Variants in GRM8 observed in about 807,000 individuals in gnomAD.
The protein encoded by GRM8 is glutamate metabotropic receptor 8, also known as metabotropic glutamate receptor 8.
In GRM8, 47 loss-of-function variants were observed where a neutral mutation model predicts 87.2. The ratio of observed to expected loss-of-function variants is 0.54; its 90% CI spans 0.43 to 0.69. GRM8 has a LOEUF of 0.69. Among genes scored for constraint, GRM8 ranks in the 30% least tolerant of loss-of-function variants. The pLI is 0.00. For synonymous variants in GRM8, 396 were observed against 404.5 expected (o/e 0.98, Z 0.25); for missense variants, 1,019 against 1,139.2 (o/e 0.89, Z 1.52).
intron 2 of GRM8, among the ~76,000 whole-genome samples, chr7:127,107,059 G>C (rs1274653626): frequency 1.3e-5 from 2 of 152,184 alleles, no homozygotes; most frequent in Non-Finnish European, 2.9e-5. Flanking sequence ...GCAGAAAGGA[G>C]AGAAAAATGA....
chr7:126,953,198 G>GA (rs760950560), intron 3 of GRM8, among the ~76,000 whole-genome samples: 12 of 151,948 alleles, frequency 7.9e-5, no homozygotes, highest in Non-Finnish European at 1.6e-4. Flanking sequence ...GGTTGGGGGA[G>GA]AAAAAAACCA....
chr7:127,152,458 T>G (rs1239904196), intron 2 of GRM8, among the ~76,000 whole-genome samples: 2 of 152,096 alleles, frequency 1.3e-5, no homozygotes, highest in African/African-American at 4.8e-5. Context: ...AATCCAAATA[T>G]AAGCATGATT....
intron 2 of GRM8, among the ~76,000 whole-genome samples, chr7:127,188,835 C>T (rs1257433230): frequency 2.6e-5 from 4 of 152,226 alleles, no homozygotes; most frequent in East Asian, 1.9e-4. Context: ...CCCCATCAAT[C>T]CACCAGGGCT....
At chr7:126,485,176 A>T (rs1807207820) in intron 9 of GRM8, among the ~76,000 whole-genome samples, 1 of 152,112 alleles carries the variant, frequency 6.6e-6, no homozygotes, top group African/African-American at 2.4e-5. Flanking sequence ...GTTAAGCACA[A>T]GGTCTCTGTC....
At chr7:126,583,626 G>A (rs1484322766) in intron 8 of GRM8, among the ~76,000 whole-genome samples, 2 of 152,164 alleles carry the variant, frequency 1.3e-5, no homozygotes, top group African/African-American at 4.8e-5. Context: ...CTTCAGTGGA[G>A]GAAGTAACTG....
chr7:126,621,541 C>T (rs1022014872), intron 7 of GRM8, among the ~76,000 whole-genome samples: 4 of 152,080 alleles, frequency 2.6e-5, no homozygotes. Context: ...GTCTAAGCTT[C>T]CTGAGTAGCT....
intron 3 of GRM8, among the ~76,000 whole-genome samples, chr7:127,021,799 A>G (rs1225168710): frequency 2.6e-5 from 4 of 152,254 alleles, no homozygotes; most frequent in African/African-American, 9.6e-5. Context: ...ACTGAATCCA[A>G]CCATTTTTAA....
intron 3 of GRM8, among the ~76,000 whole-genome samples, chr7:127,053,389 G>A (rs933744087): frequency 1.3e-5 from 2 of 152,166 alleles, no homozygotes; most frequent in African/African-American, 4.8e-5. Flanking sequence ...TCTTTTGGTT[G>A]AGAAATGATA....
intron 3 of GRM8, among the ~76,000 whole-genome samples, chr7:127,044,325 C>G (rs1383226456): frequency 6.6e-6 from 1 of 152,204 alleles, no homozygotes; most frequent in South Asian, 2.1e-4. Flanking sequence ...ACTCTCCCTA[C>G]TCCACCTGCC....
In GRM8 at chr7:126,636,390, C is replaced by T. The variant is rs186445574; in HGVS notation, c.1358-26892G>A. Among the ~76,000 whole-genome samples the T allele has an allele frequency of 8.5e-5, 13 of 152,168 alleles. No individual in the cohort carries two copies. In the East Asian group the frequency reaches 2.5e-3, roughly 29 times the overall value. On this transcript the variant is annotated intron_variant, in intron 7 of 10. Transcript: ENST00000339582. ...TATAAAATGGCATATAACCTATGTA[C>T]ATCCTCCTGTATATTTTAAATTAAC...
chr7:127,030,492 C>T (rs1005843657), intron 3 of GRM8, among the ~76,000 whole-genome samples: 3 of 152,068 alleles, frequency 2.0e-5, no homozygotes, highest in Non-Finnish European at 2.9e-5. Context: ...CTAGGACTAA[C>T]GGGGGAATAC....
chr7:127,090,503 A>T (rs1195118939), intron 3 of GRM8, among the ~76,000 whole-genome samples: 4 of 152,200 alleles, frequency 2.6e-5, no homozygotes, highest in African/African-American at 7.2e-5. Context: ...CTGATTTTGC[A>T]TCCACTCTAT....
chr7:127,093,614 G>A (rs1688811221), intron 3 of GRM8, among the ~76,000 whole-genome samples: 4 of 152,204 alleles, frequency 2.6e-5, no homozygotes, highest in African/African-American at 9.6e-5. Flanking sequence ...GCTGCTACAA[G>A]AGAGATTATT....
chr7:127,128,853 TC>T (rs1827522673), intron 2 of GRM8, among the ~76,000 whole-genome samples: 1 of 152,114 alleles, frequency 6.6e-6, no homozygotes. Flanking sequence ...CTGAATTTGT[TC>T]TTCTCCAGTC....
intron 3 of GRM8, among the ~76,000 whole-genome samples, chr7:127,001,682 C>T (rs1008909325): frequency 5.3e-5 from 8 of 151,540 alleles, no homozygotes; most frequent in African/African-American, 1.9e-4. Context: ...CACATGTCTG[C>T]CATATGACCC....
intron 3 of GRM8, among the ~76,000 whole-genome samples, chr7:127,010,947 G>GGAGGAGGA (rs1433465659): frequency 6.6e-6 from 1 of 152,092 alleles, no homozygotes; most frequent in Non-Finnish European, 1.5e-5. Flanking sequence ...AGGAAGAGAA[G>GGAGGAGGA]GAGGAGGAAA....
chr7:127,092,795 G>A (rs982164200), intron 3 of GRM8, among the ~76,000 whole-genome samples: 6 of 152,178 alleles, frequency 3.9e-5, no homozygotes, highest in South Asian at 2.1e-4. Context: ...GGTGGCATGC[G>A]TGACTCTCTT....
intron 7 of GRM8, among the ~76,000 whole-genome samples, chr7:126,759,062 T>TA (rs1363217586): frequency 6.6e-6 from 1 of 152,004 alleles, no homozygotes; most frequent in Non-Finnish European, 1.5e-5. Context: ...CACGCCGGGC[T>TA]AATTTTTGTA....
Position 126,865,939 on chromosome 7 carries a change from C to T in GRM8, c.1156+36603G>A, listed in dbSNP as rs139854533. Among the ~76,000 whole-genome samples, 13 of 152,248 alleles carry T rather than the reference C, an allele frequency of 8.5e-5. No homozygotes were observed. In the East Asian group the frequency reaches 2.3e-3, roughly 27 times the overall value. On this transcript the variant is annotated intron_variant, in intron 6 of 10. Transcript: ENST00000339582. ...TGTGTGGTTTCAATTCTCTTAGGTA[C>T]ACAGCTAAGAGTAGAACCGGTGGAA...
Sources: allele counts gnomAD v4.1 joint callset (sites outside exome capture counted in the v4.1 genomes callset), GRCh38; gene constraint gnomAD v4.1.1; transcripts MANE v1.5; gene names NCBI Gene and HGNC (gene_info 2026-07-23, HGNC 2026-07-21).